ADD3: variants seen among roughly 807,000 people sequenced by gnomAD.
The protein encoded by ADD3 is gamma-adducin.
Under a neutral mutation model 80.2 loss-of-function variants are expected in ADD3, and 25 were observed. The ratio of observed to expected loss-of-function variants is 0.31; its 90% CI spans 0.23 to 0.44. The LOEUF is 0.44. ADD3 is among the 20% of genes least tolerant of loss of function. The pLI is 1.00. For missense variants in ADD3, 829 were observed against 847.5 expected (o/e 0.98, Z 0.27); for synonymous variants, 284 against 289.6 (o/e 0.98, Z 0.20).
chr10:110,019,016 T>C (rs2133060660), intron 1 of ADD3, among the ~76,000 whole-genome samples: 1 of 152,338 alleles, frequency 6.6e-6, no homozygotes, highest in South Asian at 2.1e-4. Context: ...TTCCCAGCGC[T>C]GGACAAGGAA....
intron 1 of ADD3, among the ~76,000 whole-genome samples, chr10:110,083,804 C>G (rs909998148): frequency 1.3e-5 from 2 of 152,032 alleles, no homozygotes; most frequent in African/African-American, 4.8e-5. Flanking sequence ...TTGTTGCAAC[C>G]AAGGATCCCA....
chr10:110,065,015 G>A (rs1411572072), intron 1 of ADD3, among the ~76,000 whole-genome samples: 1 of 151,968 alleles, frequency 6.6e-6, no homozygotes, highest in Non-Finnish European at 1.5e-5. Flanking sequence ...CTGAGATCTT[G>A]TCTAGGCGAC....
intron 1 of ADD3, among the ~76,000 whole-genome samples, chr10:110,011,250 C>G (rs776566226): frequency 6.6e-6 from 1 of 152,150 alleles, no homozygotes; most frequent in African/African-American, 2.4e-5. Context: ...TAAGTTTGTT[C>G]TAAATACCAC....
intron 1 of ADD3, among the ~76,000 whole-genome samples, chr10:110,060,920 T>A (rs1216958659): frequency 2.0e-5 from 3 of 152,206 alleles, no homozygotes; most frequent in Admixed American, 2.0e-4. Context: ...GAAGTTAGGT[T>A]ACGCACATTC....
At chr10:110,064,789 C>T (rs1382704861) in intron 1 of ADD3, among the ~76,000 whole-genome samples, 1 of 152,140 alleles carries the variant, frequency 6.6e-6, no homozygotes, top group Non-Finnish European at 1.5e-5. Context: ...GGTATTAGTT[C>T]ACCTTGTTTT....
chr10:110,129,705 C>CT (rs1852689103), intron 12 of ADD3, among the ~76,000 whole-genome samples: 1 of 152,220 alleles, frequency 6.6e-6, no homozygotes, highest in South Asian at 2.1e-4. Flanking sequence ...GAGGCTTCAA[C>CT]TTTCTCAGCT....
chr10:110,086,249 A>C (rs1846730147), intron 1 of ADD3, among the ~76,000 whole-genome samples: 2 of 151,916 alleles, frequency 1.3e-5, no homozygotes, highest in Admixed American at 1.3e-4. Context: ...ATCTCTACTA[A>C]ATATACAAAA....
At position 110,065,603 on chromosome 10, in the gene ADD3, G is replaced by A. The variant is rs187927834; in HGVS notation, c.-29-35022G>A. Among the ~76,000 whole-genome samples the A allele has an allele frequency of 3.7e-3, 474 of 128,774 alleles. 4 individuals are homozygous for A. The East Asian group carries it at 0.045, about 12-fold the overall frequency. 84.5% of individuals were successfully genotyped at this position (128,774 alleles called of 152,430 possible). On this transcript the variant is annotated intron_variant, in intron 1 of 14. Coordinates refer to ENST00000356080, the MANE Select transcript of ADD3 (RefSeq NM_016824.5). ...TGCCCAGGCTGGAGTACAGTGGCTC[G>A]ATCTTGGCTCACTGCACCCTCCGCC...
At chr10:110,094,409 A>T (rs1029398559) in intron 1 of ADD3, among the ~76,000 whole-genome samples, 1 of 152,202 alleles carries the variant, frequency 6.6e-6, no homozygotes, top group African/African-American at 2.4e-5. Context: ...TGATCATTGA[A>T]TCTAGTCTGA....
Position 110,116,603 on chromosome 10 carries a change from T to G in ADD3, c.486+193T>G, listed in dbSNP as rs550524276. 3.9e-5 allele frequency among the ~76,000 whole-genome samples: 6 copies of G among 152,316 alleles called. No individual in the cohort carries two copies. In the East Asian group the frequency reaches 9.6e-4, roughly 24 times the overall value. On this transcript the variant is annotated intron_variant, in intron 4 of 14. Transcript: ENST00000356080. ...CAATTCCCCCACCTTTCTTCTCCCC[T>G]TACTATCTATGTTGTTCCAAGTTCC...
intron 1 of ADD3, among the ~76,000 whole-genome samples, chr10:110,050,207 G>A (rs1174800037): frequency 6.6e-6 from 1 of 152,136 alleles, no homozygotes; most frequent in Non-Finnish European, 1.5e-5. Context: ...AGGGTCCAGA[G>A]GTGGAATGAT....
intron 1 of ADD3, among the ~76,000 whole-genome samples, chr10:110,024,006 G>C (rs1853989522): frequency 6.6e-6 from 1 of 152,186 alleles, no homozygotes; most frequent in Non-Finnish European, 1.5e-5. Context: ...CGACACTGGG[G>C]ACTACTAGAG....
At position 110,133,247 on chromosome 10, in the gene ADD3, A is replaced by G. The variant is rs60213133; in HGVS notation, c.1829-79A>G. ...CAAAGTAATGCCTTATTACATTGCT[A>G]AAACATTTCAGTTTTGTAAAGTAGA... On this transcript the variant is annotated intron_variant, in intron 14 of 14. Transcript: ENST00000356080. The G allele has an allele frequency of 2.1e-3, 2,968 of 1,414,528 alleles. 64 individuals carry two copies. The African/African-American group carries it at 0.039, about 19-fold the overall frequency. The allele number at this position is 1,414,528 out of a possible 1,614,324, so 87.6% of individuals were successfully genotyped here.
At chr10:110,109,186 CAGTTTA>C (rs1056503537) in intron 2 of ADD3, among the ~76,000 whole-genome samples, 7 of 152,018 alleles carry the variant, frequency 4.6e-5, no homozygotes, top group African/African-American at 7.2e-5. Context: ...AATTTCTCAC[CAGTTTA>C]ATAAATTGTG....
chr10:110,081,438 G>C (rs1395850367), intron 1 of ADD3, among the ~76,000 whole-genome samples: 2 of 151,882 alleles, frequency 1.3e-5, no homozygotes, highest in East Asian at 1.9e-4. Context: ...TTGGAACTTG[G>C]CAAAAAATAT....
intron 1 of ADD3, among the ~76,000 whole-genome samples, chr10:110,099,345 A>G (rs564146175): frequency 6.6e-6 from 1 of 152,126 alleles, no homozygotes; most frequent in Non-Finnish European, 1.5e-5. Flanking sequence ...AAAAAAATCA[A>G]TCTTACTCTC....
intron 2 of ADD3, among the ~76,000 whole-genome samples, chr10:110,108,217 A>G (rs1849604909): frequency 6.6e-6 from 1 of 152,122 alleles, no homozygotes; most frequent in Non-Finnish European, 1.5e-5. Flanking sequence ...GGATCACCAT[A>G]ATCTGCCAGT....
intron 1 of ADD3, among the ~76,000 whole-genome samples, chr10:110,045,949 T>C (rs532932112): frequency 8.6e-4 from 131 of 152,350 alleles, no homozygotes; most frequent in African/African-American, 3.0e-3. Context: ...GAACAGTTCA[T>C]CCTTCCAGTA....
At chr10:110,077,812 C>T (rs1462531085) in intron 1 of ADD3, among the ~76,000 whole-genome samples, 1 of 151,964 alleles carries the variant, frequency 6.6e-6, no homozygotes, top group African/African-American at 2.4e-5. Flanking sequence ...TTTTCCCCCT[C>T]ACACACTGAG....
Sources: allele counts gnomAD v4.1 joint callset (sites outside exome capture counted in the v4.1 genomes callset), GRCh38; gene constraint gnomAD v4.1.1; transcripts MANE v1.5; gene names NCBI Gene and HGNC (gene_info 2026-07-23, HGNC 2026-07-21).